Variants in CNTNAP4 observed in about 807,000 individuals in gnomAD.
The protein encoded by CNTNAP4 is contactin-associated protein-like 4.
CNTNAP4 carries 98 observed loss-of-function variants against 148.4 expected under a neutral mutation model. That is an observed-to-expected ratio of 0.66 (90% CI 0.56 to 0.78). The LOEUF (loss-of-function observed/expected upper bound fraction) is 0.78. Among genes scored for constraint, CNTNAP4 ranks in the 30% least tolerant of loss-of-function variants. The pLI is 0.00. For synonymous variants in CNTNAP4, 730 were observed against 565.1 expected, an observed-to-expected ratio of 1.29 and a Z score of -4.14; for missense variants, 1,935 against 1,565.6, an observed-to-expected ratio of 1.24 and a Z score of -3.98.
In CNTNAP4 at chr16:76,475,947, C is replaced by T. The variant is rs1406114619; in HGVS notation, c.1664C>T (p.Pro555Leu). The T allele has an allele frequency of 6.2e-7, 1 of 1,612,936 alleles. No homozygotes were observed. Among genetic ancestry groups the T allele is most frequent in the Admixed American group, 1.7e-5 (1 of 59,972 alleles). ...DSCGISDRCL[P>L]NYCEHGGECS... ...TCTGCACCTTCTTTTAGGTGTTTGCCCAACTATTGTGAACACGGTGGGGAG... is the reference window on the plus strand; with the variant it reads ...TCTGCACCTTCTTTTAGGTGTTTGCTCAACTATTGTGAACACGGTGGGGAG... Residue 555 changes from proline to leucine, a missense_variant, in exon 11 of 24, where the codon CCC (proline) becomes CTC (leucine). By Grantham distance (98) the Pro-to-Leu change is moderately conservative. Transcript: ENST00000611870.
intron 1 of CNTNAP4, among the ~76,000 whole-genome samples, chr16:76,305,711 A>G (rs529820939): frequency 6.6e-6 from 1 of 152,074 alleles, no homozygotes; most frequent in South Asian, 2.1e-4. Context: ...TTTTATTTAG[A>G]TACAGGGGGT....
intron 17 of CNTNAP4, 146 bp downstream of exon 17, chr16:76,522,403 T>C (rs147775895): frequency 2.0e-5 from 15 of 734,840 alleles, no homozygotes; most frequent in African/African-American, 3.5e-5. Flanking sequence ...TGTGTCCAAA[T>C]GCTTCATTTC....
chr16:76,279,508 G>T (rs537825952), intron 1 of CNTNAP4, among the ~76,000 whole-genome samples: 1 of 152,264 alleles, frequency 6.6e-6, no homozygotes, highest in East Asian at 1.9e-4. Flanking sequence ...ATGTCTGCTT[G>T]GCTCTGGTTG....
intron 3 of CNTNAP4, among the ~76,000 whole-genome samples, chr16:76,379,983 T>C (rs1374341824): frequency 4.6e-5 from 7 of 152,186 alleles, no homozygotes; most frequent in Non-Finnish European, 1.0e-4. Context: ...TTTTTGTCTA[T>C]CTACTTTAAT....
chr16:76,504,499 C>G (rs2082769451), intron 15 of CNTNAP4, among the ~76,000 whole-genome samples: 2 of 151,954 alleles, frequency 1.3e-5, no homozygotes, highest in Admixed American at 6.6e-5. Flanking sequence ...TCTAAAACCA[C>G]AAACTATAAC....
At chr16:76,359,089 C>G (rs2013079640) in intron 3 of CNTNAP4, among the ~76,000 whole-genome samples, 1 of 152,116 alleles carries the variant, frequency 6.6e-6, no homozygotes. Flanking sequence ...CTTCAATTTG[C>G]ATTTTTTAAG....
Position 76,555,034 on chromosome 16 carries a change from A to G in CNTNAP4, c.3733+1127A>G, listed in dbSNP as rs185276434. Among the ~76,000 whole-genome samples, 23 of 152,156 alleles carry G rather than the reference A, an allele frequency of 1.5e-4. No homozygotes were observed. The East Asian group carries it at 3.9e-3, about 26-fold the overall frequency. ...TAAAATTGTATCTCCCTGGCAGGGC[A>G]ACAGGATAATTGTTTACTTTCTATA... On this transcript the variant is annotated intron_variant, in intron 23 of 23. Transcript: ENST00000611870.
In CNTNAP4 at chr16:76,522,247, G is replaced by A; in HGVS notation, c.2745G>A (p.Gln915=). ...ATGTCCTGTTACAGCTCAACAGTCA[G>A]CTCTTCGTGGGTAAGTTCTCTTTTT... ...DGHVLLQLNS[Q]LFVGGTATRQ... Residue 915 remains glutamine (Q), a synonymous_variant, in exon 17 of 24, where the codon CAG becomes CAA. Coordinates refer to ENST00000611870, the MANE Select transcript of CNTNAP4 (RefSeq NM_033401.5). 1 of 1,613,684 alleles carries A rather than the reference G, an allele frequency of 6.2e-7. No homozygotes were observed.
intron 1 of CNTNAP4, among the ~76,000 whole-genome samples, chr16:76,284,664 T>C (rs904819787): frequency 6.6e-6 from 1 of 152,028 alleles, no homozygotes; most frequent in Non-Finnish European, 1.5e-5. Flanking sequence ...TCTTATATTT[T>C]TGGGGAAAAT....
chr16:76,499,670 A>C (rs947570431), intron 15 of CNTNAP4, among the ~76,000 whole-genome samples: 10 of 150,210 alleles, frequency 6.7e-5, no homozygotes, highest in Non-Finnish European at 1.2e-4. Context: ...ACATGTGAAC[A>C]AAGGTCTCTG....
chr16:76,392,032 C>T (rs2144771443), intron 3 of CNTNAP4, among the ~76,000 whole-genome samples: 1 of 152,040 alleles, frequency 6.6e-6, no homozygotes, highest in East Asian at 1.9e-4. Context: ...CCTCTGTCGC[C>T]CAGGCTGGAG....
chr16:76,452,062 T>G (rs765740528), intron 7 of CNTNAP4, among the ~76,000 whole-genome samples: 5 of 151,992 alleles, frequency 3.3e-5, no homozygotes, highest in Non-Finnish European at 7.4e-5. Flanking sequence ...TAAAAATGTT[T>G]TTTTTTTTTT....
intron 3 of CNTNAP4, among the ~76,000 whole-genome samples, chr16:76,395,370 A>G (rs887629150): frequency 2.0e-5 from 3 of 152,002 alleles, no homozygotes; most frequent in East Asian, 1.9e-4. Flanking sequence ...GGTTCAAGCA[A>G]TTCTCCTGCC....
chr16:76,496,669 A>T (rs2082412409), intron 14 of CNTNAP4, among the ~76,000 whole-genome samples: 1 of 152,194 alleles, frequency 6.6e-6, no homozygotes, highest in Admixed American at 6.5e-5. Flanking sequence ...TTATTGTGAT[A>T]AGGCTGTGAT....
chr16:76,462,565 T>C (rs1205460958), intron 9 of CNTNAP4, among the ~76,000 whole-genome samples: 2 of 152,180 alleles, frequency 1.3e-5, no homozygotes, highest in African/African-American at 4.8e-5. Context: ...CAGCAACCTC[T>C]TCTCCTTGTT....
rs1568495827 is a variant in CNTNAP4 at position 76,522,645 on chromosome 16, CTTTT to C, written c.2755+389_2755+392del. Among the ~76,000 whole-genome samples, 105 of 139,650 alleles carry C rather than the reference CTTTT, an allele frequency of 7.5e-4. 1 individual carries two copies. The highest frequency in any genetic ancestry group is 3.7e-3 in the Middle Eastern group (1 of 272). The allele number at this position is 139,650 out of a possible 152,430, so 91.6% of individuals were successfully genotyped here. The stretch of plus-strand genomic sequence containing the variant: ...TCCTTCCTTCCTTCCTTCTTTCTTT[CTTTT>C]CTCTCTTTCTCTCTTTCCTTCTTTC... On this transcript the variant is annotated intron_variant, in intron 17 of 23. Transcript: ENST00000611870.
At chr16:76,447,917 C>T (rs547934731) in intron 4 of CNTNAP4, 95 bp from the exon 5 acceptor site, 56 of 826,960 alleles carry the variant, frequency 6.8e-5, no homozygotes, top group African/African-American at 6.1e-4. Context: ...TGTATGAGTA[C>T]GTATACTGCC....
At chr16:76,523,920 C>A (rs757194286) in intron 17 of CNTNAP4, among the ~76,000 whole-genome samples, 1 of 152,004 alleles carries the variant, frequency 6.6e-6, no homozygotes, top group South Asian at 2.1e-4. Context: ...ACAGAGGGAG[C>A]CCCTGTCTCA....
intron 2 of CNTNAP4, among the ~76,000 whole-genome samples, chr16:76,352,963 A>G (rs1490602080): frequency 1.3e-5 from 2 of 152,218 alleles, no homozygotes; most frequent in Non-Finnish European, 2.9e-5. Context: ...CCAAGGGACC[A>G]TGTCTATGCA....
Sources: gnomAD v4.1 joint callset for allele counts (sites outside exome capture counted in the v4.1 genomes callset) on GRCh38, gnomAD v4.1.1 for gene constraint, MANE v1.5 for transcripts, NCBI Gene and HGNC (gene_info 2026-07-23, HGNC 2026-07-21) for gene names.